The following BCAS4 variants were observed in gnomAD, a reference collection of about 807,000 sequenced individuals.
The protein encoded by BCAS4 is breast carcinoma-amplified sequence 4.
BCAS4 carries 9 observed loss-of-function variants against 15.7 expected under a neutral mutation model. The ratio of observed to expected loss-of-function variants is 0.57; its 90% confidence interval spans 0.34 to 1.00. The LOEUF is 1.00. Ranked by LOEUF, BCAS4 falls within the 50% of genes least tolerant of loss-of-function variation. BCAS4 has a pLI of 0.02. For missense variants in BCAS4, 225 were observed against 239.1 expected, an observed-to-expected ratio of 0.94 and a Z score of 0.39; for synonymous variants, 101 against 99.5, an observed-to-expected ratio of 1.02 and a Z score of -0.09.
chr20:50,828,802 C>T (rs1418953155), intron 2 of BCAS4, among the ~76,000 whole-genome samples: 1 of 151,974 alleles, frequency 6.6e-6, no homozygotes, highest in African/African-American at 2.4e-5. Flanking sequence ...AAGTGAGTCA[C>T]TAGGCTCAGC....
At chr20:50,824,561 C>T (rs1460128378) in intron 2 of BCAS4, among the ~76,000 whole-genome samples, 7 of 152,182 alleles carry the variant, frequency 4.6e-5, no homozygotes, top group Admixed American at 6.5e-5. Flanking sequence ...CTTCTCAGAG[C>T]GTAGCCCAAG....
chr20:50,840,869 G>A (rs747411018), intron 3 of BCAS4: 46 of 792,906 alleles, frequency 5.8e-5, no homozygotes, highest in Middle Eastern at 7.5e-4. Context: ...CACTCTTGTC[G>A]CGCAGGCTGG....
intron 1 of BCAS4, among the ~76,000 whole-genome samples, chr20:50,796,115 C>G (rs2087853485): frequency 6.6e-6 from 1 of 151,608 alleles, no homozygotes; most frequent in African/African-American, 2.4e-5. Flanking sequence ...GGCCTGGTGG[C>G]TCACGCTTGT....
intron 1 of BCAS4, among the ~76,000 whole-genome samples, chr20:50,809,597 T>C (rs2088035857): frequency 6.6e-6 from 1 of 152,166 alleles, no homozygotes; most frequent in Non-Finnish European, 1.5e-5. Context: ...GGCTCTTTTT[T>C]GGTTCCATAT....
At chr20:50,839,149 T>C (rs1600875256) in intron 3 of BCAS4, among the ~76,000 whole-genome samples, 2 of 152,346 alleles carry the variant, frequency 1.3e-5, no homozygotes, top group Middle Eastern at 6.8e-3. Flanking sequence ...AAAAATCTTT[T>C]CTATTTTACT....
In BCAS4 at chr20:50,795,175, TA is replaced by T. The variant is rs756921768; in HGVS notation, c.90+3del. On this transcript the variant is annotated splice_donor_region_variant and intron_variant, in intron 1 of 4. Transcript: ENST00000371608. ...CTGACCCCCGAGCCTGGGGCCGAGG[TA>T]GGGGACGGGGCTGTGGAGTTGGAGG... The T allele has an allele frequency of 3.1e-4, 423 of 1,384,470 alleles. No homozygotes were observed. The highest frequency in any genetic ancestry group is 3.7e-4 in the Non-Finnish European group (392 of 1,056,246). 85.8% of individuals were successfully genotyped at this position (1,384,470 alleles called of 1,614,324 possible).
At chr20:50,799,873 T>C (rs1465266593) in intron 1 of BCAS4, among the ~76,000 whole-genome samples, 1 of 152,016 alleles carries the variant, frequency 6.6e-6, no homozygotes, top group South Asian at 2.1e-4. Context: ...CTGGGCAACA[T>C]GGCAAAATCC....
At chr20:50,830,687 A>G (rs1023682633) in intron 3 of BCAS4, among the ~76,000 whole-genome samples, 1 of 152,080 alleles carries the variant, frequency 6.6e-6, no homozygotes, top group African/African-American at 2.4e-5. Context: ...CCATCTCTAC[A>G]AAAAATACAA....
chr20:50,819,215 T>C (rs2088182416), intron 2 of BCAS4, among the ~76,000 whole-genome samples: 1 of 151,970 alleles, frequency 6.6e-6, no homozygotes, highest in Non-Finnish European at 1.5e-5. Context: ...AAATTGCTTC[T>C]AGATCCCAGT....
At chr20:50,794,930 G>GGAGCTGC, upstream of BCAS4, 1 of 1,116,522 alleles carries the variant, frequency 9.0e-7, no homozygotes, top group Non-Finnish European at 1.1e-6. Context: ...CGGCGCTCCT[G>GGAGCTGC]GAGCTGCGAG....
intron 4 of BCAS4, among the ~76,000 whole-genome samples, chr20:50,850,657 C>T (rs1978360242): frequency 6.6e-6 from 1 of 152,148 alleles, no homozygotes; most frequent in Middle Eastern, 3.2e-3. Flanking sequence ...TCTGGAAGCA[C>T]CCCAACTTTG....
rs1180766836 is a variant in BCAS4 at position 50,868,721 on chromosome 20, CTTTCA to C, written c.400-7757_400-7753del. ...ACAGGCTGCCATGCTCAGCCTGATC[CTTTCA>C]TTTCATTATCTAAATAACCCGGGCT... On this transcript the variant is annotated intron_variant, in intron 4 of 4. Transcript: ENST00000371608. Among the ~76,000 whole-genome samples, 4 of 152,184 alleles carry C rather than the reference CTTTCA, an allele frequency of 2.6e-5. No individual in the cohort carries two copies. In the East Asian group the frequency reaches 7.7e-4, roughly 29 times the overall value.
chr20:50,871,914 G>A (rs975098320), intron 4 of BCAS4, among the ~76,000 whole-genome samples: 2 of 152,224 alleles, frequency 1.3e-5, no homozygotes, highest in African/African-American at 2.4e-5. Context: ...AGCTGTGGGG[G>A]AGGTGGGGAG....
intron 2 of BCAS4, among the ~76,000 whole-genome samples, chr20:50,821,233 A>T (rs1270811409): frequency 1.3e-5 from 2 of 152,228 alleles, no homozygotes; most frequent in Admixed American, 6.5e-5. Context: ...AGAGGATCCC[A>T]TGTTCCAAGA....
At chr20:50,876,428 G>C (rs1979945207) in intron 4 of BCAS4, 58 bp from the exon 5 acceptor site, 1 of 1,591,996 alleles carries the variant, frequency 6.3e-7, no homozygotes, top group Non-Finnish European at 8.6e-7. Flanking sequence ...GGGAATTCCT[G>C]GGTCATGGAA....
chr20:50,874,148 C>T (rs1200870154), intron 4 of BCAS4, among the ~76,000 whole-genome samples: 1 of 152,186 alleles, frequency 6.6e-6, no homozygotes, highest in Non-Finnish European at 1.5e-5. Context: ...ACACACACAG[C>T]CTCCTGCTTA....
intron 4 of BCAS4, among the ~76,000 whole-genome samples, chr20:50,859,401 G>A (rs1266962269): frequency 1.3e-5 from 2 of 152,214 alleles, no homozygotes; most frequent in African/African-American, 4.8e-5. Context: ...TCCTGGCCCT[G>A]GCGATGGCCT....
intron 1 of BCAS4, 64 bp from the exon 2 acceptor site, chr20:50,818,147 A>T: frequency 6.7e-7 from 1 of 1,491,042 alleles, no homozygotes; most frequent in East Asian, 2.3e-5. Context: ...AAAAAAAAAA[A>T]ATGAAGGGTG....
At chr20:50,825,801 TA>T (rs1256528301) in intron 2 of BCAS4, among the ~76,000 whole-genome samples, 1 of 152,018 alleles carries the variant, frequency 6.6e-6, no homozygotes, top group Admixed American at 6.6e-5. Context: ...CACTTGAACC[TA>T]GGAGGCAGAG....
Sources: gnomAD v4.1 joint callset for allele counts (sites outside exome capture counted in the v4.1 genomes callset) on GRCh38, gnomAD v4.1.1 for gene constraint, MANE v1.5 for transcripts, NCBI Gene and HGNC (gene_info 2026-07-23, HGNC 2026-07-21) for gene names.